SENP5: variants seen among roughly 807,000 people sequenced by gnomAD.
The protein encoded by SENP5 is sentrin-specific protease 5.
Under a neutral mutation model 74.2 loss-of-function variants are expected in SENP5, and 21 were observed. The observed-to-expected ratio is 0.28, with a 90% CI of 0.20 to 0.41. The LOEUF is 0.41. Among genes scored for constraint, SENP5 ranks in the 10% least tolerant of loss-of-function variants. The pLI, the probability that SENP5 is intolerant of heterozygous loss-of-function variation, is 1.00. For synonymous variants in SENP5, 311 were observed against 312.7 expected (o/e 0.99, Z 0.06); for missense variants, 717 against 889.1 (o/e 0.81, Z 2.46).
At chr3:196,904,878 A>C (rs1358873554) in intron 6 of SENP5, 2 of 152,134 alleles carry the variant, frequency 1.3e-5, no homozygotes, top group Non-Finnish European at 2.9e-5. Flanking sequence ...TGTAAATGAT[A>C]GATAGGATTG....
intron 1 of SENP5, among the ~76,000 whole-genome samples, chr3:196,875,038 T>G (rs1184235563): frequency 1.3e-5 from 2 of 152,226 alleles, no homozygotes; most frequent in African/African-American, 4.8e-5. Context: ...TCAGAATTCT[T>G]GAACTGTATA....
chr3:196,900,279 G>T, intron 4 of SENP5, 86 bp from the exon 5 acceptor site: 1 of 1,302,738 alleles, frequency 7.7e-7, no homozygotes. Flanking sequence ...AGGGTTAGTA[G>T]CCTGGTTTTA....
In SENP5 at chr3:196,877,099, C is replaced by G. The variant is rs556427802; in HGVS notation, c.-31-8052C>G. 1.4e-4 allele frequency among the ~76,000 whole-genome samples: 22 copies of G among 152,138 alleles called. 1 individual carries two copies. Among genetic ancestry groups the G allele is most frequent in the Admixed American group, 1.4e-3 (22 of 15,260 alleles). On this transcript the variant is annotated intron_variant, in intron 1 of 9. Transcript: ENST00000323460. ...CTTTGGGAGGTTGAGGTGGGAAGAT[C>G]GTTTGAGGCCAGGAGTTCAAGACCA...
Position 196,927,997 on chromosome 3 carries a change from C to T in SENP5, c.2106+118C>T, listed in dbSNP as rs1715879800. 8.4e-6 allele frequency: 5 copies of T among 596,096 alleles called. No individual in the cohort carries two copies. The Admixed American group carries it at 9.3e-5, about 11-fold the overall frequency. 36.9% of individuals were successfully genotyped at this position (596,096 alleles called of 1,614,324 possible). On this transcript the variant is annotated intron_variant, in intron 8 of 9. Transcript: ENST00000323460. ...AGAGATACCAAGGAGAGCCTGGAGG[C>T]TCCAGGGAGGCAGCTGAGAATGAAC...
chr3:196,930,002 A>AC lies in SENP5; in HGVS notation c.2157+319_2157+320insC, dbSNP rs1279573682. On this transcript the variant is annotated intron_variant, in intron 9 of 9. Transcript: ENST00000323460. The stretch of plus-strand genomic sequence containing the variant: ...GGCATTTGCATAAAAAAAAAAAAAA[A>AC]AAAACATTGGCAAGCAATCTGCAGG... Among the ~76,000 whole-genome samples, 274 of 152,230 alleles carry AC rather than the reference A, an allele frequency of 1.8e-3. 3 individuals carry two copies. The East Asian group carries it at 0.032, about 18-fold the overall frequency.
Position 196,886,110 on chromosome 3 carries a change from T to A in SENP5, c.929T>A (p.Met310Lys). The A allele has an allele frequency of 6.2e-7, 1 of 1,614,198 alleles. No individual in the cohort carries two copies. The highest frequency in any genetic ancestry group is 8.5e-7 in the Non-Finnish European group (1 of 1,180,036). ...SCRHQPYFPDMDSSAVVKGTN... is the reference protein window; with the variant it reads ...SCRHQPYFPDKDSSAVVKGTN... ...CGGCATCAGCCGTACTTTCCAGATATGGACAGCAGTGCTGTGGTGAAGGGG... is the reference window on the plus strand; with the variant it reads ...CGGCATCAGCCGTACTTTCCAGATAAGGACAGCAGTGCTGTGGTGAAGGGG... The change falls in exon 2 of 10, where the codon ATG becomes AAG. Residue 310 changes from methionine (M) to lysine (K), a missense_variant. Coordinates refer to ENST00000323460, the MANE Select transcript of SENP5 (RefSeq NM_152699.5).
chr3:196,927,725 G>A, intron 7 of SENP5, 71 bp from the exon 8 acceptor site: 2 of 858,130 alleles, frequency 2.3e-6, no homozygotes, highest in Non-Finnish European at 3.9e-6. Context: ...CCTTCTGTCT[G>A]CTATGGGCAT....
chr3:196,883,704 T>G (rs1295567606), intron 1 of SENP5, among the ~76,000 whole-genome samples: 1 of 151,918 alleles, frequency 6.6e-6, no homozygotes, highest in Non-Finnish European at 1.5e-5. Context: ...CTTTTTTTTT[T>G]GGAGACAGAG....
At chr3:196,905,760 A>G (rs1002140809) in intron 6 of SENP5, among the ~76,000 whole-genome samples, 9 of 152,114 alleles carry the variant, frequency 5.9e-5, no homozygotes, top group African/African-American at 1.9e-4. Context: ...GCTTCATTAC[A>G]TAGGCGATTG....
rs1182682176 is a variant in SENP5, at chr3:196,870,773, C to T, written c.-32+2700C>T. On this transcript the variant is annotated intron_variant, in intron 1 of 9. Transcript: ENST00000323460. ...CCTCAAGTGATCTCTCCGTCTCAGC[C>T]TCCCAAAGCGCGGGGATTACAGGTG... Among the ~76,000 whole-genome samples, 2 of 152,082 alleles carry T rather than the reference C, an allele frequency of 1.3e-5. 1 individual carries two copies. Among genetic ancestry groups the T allele is most frequent in the South Asian group, 4.1e-4 (2 of 4,822 alleles).
chr3:196,877,100 G>A (rs1274419045), intron 1 of SENP5, among the ~76,000 whole-genome samples: 1 of 150,576 alleles, frequency 6.6e-6, no homozygotes, highest in Non-Finnish European at 1.5e-5. Flanking sequence ...TGGGAAGATC[G>A]TTTGAGGCCA....
intron 6 of SENP5, among the ~76,000 whole-genome samples, chr3:196,921,269 T>G (rs1715610963): frequency 6.6e-6 from 1 of 152,218 alleles, no homozygotes; most frequent in Non-Finnish European, 1.5e-5. Context: ...CAACAGTTTA[T>G]GTACATTGAC....
At chr3:196,904,165 A>G (rs1050116202) in intron 6 of SENP5, among the ~76,000 whole-genome samples, 12 of 152,236 alleles carry the variant, frequency 7.9e-5, no homozygotes, top group African/African-American at 1.4e-4. Flanking sequence ...AGAGAGTGGT[A>G]AGTGCTATTT....
At chr3:196,924,794 G>T (rs1415556167) in intron 7 of SENP5, among the ~76,000 whole-genome samples, 1 of 152,180 alleles carries the variant, frequency 6.6e-6, no homozygotes, top group Non-Finnish European at 1.5e-5. Context: ...GTGCGAGGAT[G>T]TTCATGGCAG....
intron 2 of SENP5, among the ~76,000 whole-genome samples, chr3:196,897,360 A>G (rs1714485766): frequency 6.6e-6 from 1 of 152,194 alleles, no homozygotes; most frequent in South Asian, 2.1e-4. Flanking sequence ...CTAGATTAGA[A>G]GCCCCAAATC....
intron 1 of SENP5, among the ~76,000 whole-genome samples, chr3:196,882,536 C>G (rs1471228038): frequency 6.6e-6 from 1 of 152,108 alleles, no homozygotes; most frequent in Non-Finnish European, 1.5e-5. Context: ...CAGAGTCTTG[C>G]TCTGTCGCCC....
chr3:196,897,799 T>C (rs1461062968), intron 2 of SENP5, among the ~76,000 whole-genome samples: 1 of 152,198 alleles, frequency 6.6e-6, no homozygotes, highest in Non-Finnish European at 1.5e-5. Context: ...CATTCAGCAT[T>C]GGTGAACAAC....
chr3:196,885,376 A>G lies in SENP5; in HGVS notation c.195A>G (p.Gln65=). 1.2e-6 allele frequency: 2 copies of G among 1,614,208 alleles called. No individual in the cohort carries two copies. The highest frequency in any genetic ancestry group is 8.5e-7 in the Non-Finnish European group (1 of 1,180,042). Residue 65 remains glutamine (Q), a synonymous_variant, in exon 2 of 10, where the codon CAA becomes CAG. Transcript: ENST00000323460. ...TCCAGGGTAGAAAGAAAGCTCTTCA[A>G]ATCCAGAAAACGTGGATCAAGGATG... The part of the protein sequence containing the change: ...RHFQGRKKAL[Q]IQKTWIKDEP...
At chr3:196,900,751 A>G (rs930107748) in intron 5 of SENP5, among the ~76,000 whole-genome samples, 3 of 151,792 alleles carry the variant, frequency 2.0e-5, no homozygotes, top group Non-Finnish European at 4.4e-5. Flanking sequence ...ATGCCTGGCT[A>G]ATTTTTGTAT....
Sources: allele counts gnomAD v4.1 joint callset (sites outside exome capture counted in the v4.1 genomes callset), GRCh38; gene constraint gnomAD v4.1.1; transcripts MANE v1.5; gene names NCBI Gene and HGNC (gene_info 2026-07-23, HGNC 2026-07-21).